The following MAPK4 variants were observed in gnomAD, a reference collection of about 807,000 sequenced individuals.
The protein encoded by MAPK4 is mitogen-activated protein kinase 4, also known as Erk3-related.
Under a neutral mutation model 47.7 loss-of-function variants are expected in MAPK4, and 22 were observed. The observed-to-expected ratio is 0.46, with a 90% CI of 0.33 to 0.66. The LOEUF (loss-of-function observed/expected upper bound fraction) is 0.66. Among genes scored for constraint, MAPK4 ranks in the 30% least tolerant of loss-of-function variants. The pLI, the probability that MAPK4 is intolerant of heterozygous loss-of-function variation, is 0.02. For missense variants in MAPK4, 736 were observed against 831.7 expected (o/e 0.88, Z 1.42); for synonymous variants, 390 against 365.7 (o/e 1.07, Z -0.76).
At chr18:50,722,274 G>T (rs1329298991) in intron 4 of MAPK4, among the ~76,000 whole-genome samples, 175 bp downstream of exon 4, 2 of 152,264 alleles carry the variant, frequency 1.3e-5, no homozygotes, top group Non-Finnish European at 2.9e-5. Context: ...AGCTGTGGAT[G>T]CTGGGCCTCA....
chr18:50,596,440 T>C (rs1431039880), intron 1 of MAPK4, among the ~76,000 whole-genome samples: 1 of 152,186 alleles, frequency 6.6e-6, no homozygotes, highest in Non-Finnish European at 1.5e-5. Flanking sequence ...AGGAACATCA[T>C]ACCCAGAGCA....
At chr18:50,723,641 CCT>C (rs1911045221) in intron 4 of MAPK4, among the ~76,000 whole-genome samples, 1 of 152,066 alleles carries the variant, frequency 6.6e-6, no homozygotes, top group Non-Finnish European at 1.5e-5. Context: ...GGCGGGCAGA[CCT>C]CTTGAGCCCA....
At chr18:50,665,784 T>C (rs1051449714) in intron 2 of MAPK4, among the ~76,000 whole-genome samples, 2 of 152,150 alleles carry the variant, frequency 1.3e-5, no homozygotes, top group Non-Finnish European at 2.9e-5. Flanking sequence ...ACCTTAACCA[T>C]GAGCCTGCCC....
chr18:50,633,256 T>C (rs2042849405), intron 1 of MAPK4, among the ~76,000 whole-genome samples: 1 of 152,168 alleles, frequency 6.6e-6, no homozygotes, highest in African/African-American at 2.4e-5. Context: ...GGGAATCCCT[T>C]TTGCTGGAAA....
At chr18:50,718,428 G>C (rs934882351) in intron 3 of MAPK4, among the ~76,000 whole-genome samples, 14 of 152,078 alleles carry the variant, frequency 9.2e-5, no homozygotes, top group African/African-American at 3.4e-4. Flanking sequence ...ATGTTGGCCA[G>C]GCTGGTCTCA....
rs376616822 is a variant in MAPK4 at position 50,696,458 on chromosome 18, GGGCGGCATCTCCTA to G, written c.547-18620_547-18607del. On this transcript the variant is annotated intron_variant, in intron 2 of 5. Transcript: ENST00000400384. ...GCCAGTGAGGTCCTGATTTTGAGGT[GGGCGGCATCTCCTA>G]TGCTTGAGACACAATTGGCTGAGTA... 1.1e-3 allele frequency among the ~76,000 whole-genome samples: 169 copies of G among 152,320 alleles called. 2 individuals carry two copies. The East Asian group carries it at 0.022, about 20-fold the overall frequency.
At chr18:50,695,222 T>A (rs1376565472) in intron 2 of MAPK4, among the ~76,000 whole-genome samples, 1 of 151,650 alleles carries the variant, frequency 6.6e-6, no homozygotes, top group Non-Finnish European at 1.5e-5. Context: ...GGCACATGAC[T>A]GTAATCCCAG....
chr18:50,702,380 C>A (rs577141212), intron 2 of MAPK4, among the ~76,000 whole-genome samples: 2 of 152,040 alleles, frequency 1.3e-5, no homozygotes, highest in East Asian at 3.9e-4. Context: ...ATAGCAAGAC[C>A]CTGTCTCTTA....
Position 50,715,124 on chromosome 18 carries a change from C to G in MAPK4, c.592C>G (p.Arg198Gly), listed in dbSNP as rs758722448. 6.2e-7 allele frequency: 1 copy of G among 1,614,190 alleles called. No homozygotes were observed. The highest frequency in any genetic ancestry group is 1.1e-5 in the South Asian group (1 of 91,078). ...GLVTKWYRSP[R>G]LLLSPNNYTK... ...GGTAACAAAGTGGTACCGTTCCCCA[C>G]GACTGCTCCTTTCCCCCAATAACTA... Residue 198 changes from arginine to glycine, a missense_variant, in exon 3 of 6, where the codon CGA becomes GGA. By Grantham distance (125) the Arg-to-Gly change is moderately radical (BLOSUM62 -2). Transcript: ENST00000400384.
intron 1 of MAPK4, among the ~76,000 whole-genome samples, chr18:50,638,382 A>G (rs1261005675): frequency 1.3e-5 from 2 of 152,234 alleles, no homozygotes; most frequent in East Asian, 3.8e-4. Context: ...AAGTGAATTT[A>G]TCCTTCTGCC....
chr18:50,609,995 T>C lies in MAPK4; in HGVS notation c.-871+49752T>C, dbSNP rs527338207. On this transcript the variant is annotated intron_variant, in intron 1 of 5. Coordinates refer to ENST00000400384, the MANE Select transcript of MAPK4 (RefSeq NM_002747.4). ...TCACAACCATATAACATGGGTACTGTTATTATACCCATTTTTGCAGAAAAA... is the reference window on the plus strand; with the variant it reads ...TCACAACCATATAACATGGGTACTGCTATTATACCCATTTTTGCAGAAAAA... 2.0e-5 allele frequency among the ~76,000 whole-genome samples: 3 copies of C among 151,636 alleles called. No homozygotes were observed. The Middle Eastern group carries it at 0.01, about 519-fold the overall frequency.
At chr18:50,654,376 A>G (rs2043084748) in intron 1 of MAPK4, among the ~76,000 whole-genome samples, 1 of 152,254 alleles carries the variant, frequency 6.6e-6, no homozygotes, top group Non-Finnish European at 1.5e-5. Context: ...CCAGTGTGGG[A>G]GAATTAAAGA....
At chr18:50,719,330 A>G (rs4940006) in intron 3 of MAPK4, among the ~76,000 whole-genome samples, 25,030 of 151,910 alleles carry the variant, frequency 0.16, 2,194 homozygotes, top group South Asian at 0.23. Flanking sequence ...ATGGTCCAGC[A>G]GGGGACACAA....
intron 1 of MAPK4, among the ~76,000 whole-genome samples, chr18:50,648,340 G>A (rs530206226): frequency 6.6e-5 from 10 of 152,268 alleles, no homozygotes; most frequent in African/African-American, 2.2e-4. Context: ...GCTGTGGTGT[G>A]GGGGGCAGCC....
chr18:50,684,036 G>A (rs974698359), intron 2 of MAPK4, among the ~76,000 whole-genome samples: 39 of 152,144 alleles, frequency 2.6e-4, no homozygotes, highest in African/African-American at 8.7e-4. Flanking sequence ...ATGGCACCAC[G>A]GAGACCTCCT....
intron 1 of MAPK4, among the ~76,000 whole-genome samples, chr18:50,569,960 G>A (rs1320559945): frequency 4.6e-5 from 7 of 152,222 alleles, no homozygotes; most frequent in African/African-American, 1.7e-4. Flanking sequence ...TCTTAAACCT[G>A]AAATTCCTCC....
At chr18:50,567,306 T>C (rs1225770674) in intron 1 of MAPK4, among the ~76,000 whole-genome samples, 1 of 152,212 alleles carries the variant, frequency 6.6e-6, no homozygotes, top group Admixed American at 6.5e-5. Flanking sequence ...GTTCTCATTG[T>C]TGTGAACATA....
At chr18:50,709,631 A>G (rs980136922) in intron 2 of MAPK4, among the ~76,000 whole-genome samples, 5 of 152,172 alleles carry the variant, frequency 3.3e-5, no homozygotes, top group Non-Finnish European at 5.9e-5. Flanking sequence ...ATTCACAAGC[A>G]CATCTCTTGG....
chr18:50,561,752 C>T (rs757306344), intron 1 of MAPK4, among the ~76,000 whole-genome samples: 3 of 152,210 alleles, frequency 2.0e-5, no homozygotes, highest in Admixed American at 1.3e-4. Context: ...TGAGGGTACA[C>T]TTCTATGCTT....
Sources: gnomAD v4.1 joint callset for allele counts (sites outside exome capture counted in the v4.1 genomes callset) on GRCh38, gnomAD v4.1.1 for gene constraint, MANE v1.5 for transcripts, NCBI Gene and HGNC (gene_info 2026-07-23, HGNC 2026-07-21) for gene names.